LHX4: variants seen among roughly 807,000 people sequenced by gnomAD.
LHX4 encodes LIM homeobox 4.
In LHX4, 16 loss-of-function variants were observed where a neutral mutation model predicts 39.2. The ratio of observed to expected loss-of-function variants is 0.41; its 90% CI spans 0.28 to 0.62. LHX4 has a LOEUF of 0.62. LHX4 is among the 20% of genes least tolerant of loss of function. The pLI is 0.33. For missense variants in LHX4, 439 were observed against 511.9 expected (o/e 0.86, Z 1.37); for synonymous variants, 206 against 198.1 (o/e 1.04, Z -0.33).
Position 180,274,594 on chromosome 1 carries a change from C to G in LHX4, c.*15C>G. 4 of 1,549,152 alleles carry G rather than the reference C, an allele frequency of 2.6e-6. No individual in the cohort carries two copies. Among genetic ancestry groups the G allele is most frequent in the African/African-American group, 1.4e-5 (1 of 73,890 alleles). On this transcript the variant is annotated 3_prime_UTR_variant, in exon 6 of 6. Coordinates refer to ENST00000263726, the MANE Select transcript of LHX4 (RefSeq NM_033343.4). ...CTCCTTTTTAAACTTCTCTCCTCCCCACCCTACCTGCCCCCCTGGCTTGAG... is the reference window on the plus strand; with the variant it reads ...CTCCTTTTTAAACTTCTCTCCTCCCGACCCTACCTGCCCCCCTGGCTTGAG...
At position 180,271,483 on chromosome 1, in the gene LHX4, C is replaced by T. The variant is rs752232336; in HGVS notation, c.555C>T (p.His185=). The change falls in exon 4 of 6, where the codon CAC becomes CAT. Residue 185 remains histidine, a synonymous_variant. Coordinates refer to ENST00000263726, the MANE Select transcript of LHX4 (RefSeq NM_033343.4). ...AYKNSPKPAR[H]VREQLSSETG... ...AGAACTCCCCCAAGCCTGCCCGGCA[C>T]GTGAGGGAGCAGCTGTCCTCAGAGA... 50 of 1,614,010 alleles carry T rather than the reference C, an allele frequency of 3.1e-5. No individual in the cohort carries two copies. Among genetic ancestry groups the T allele is most frequent in the Middle Eastern group, 3.3e-4 (2 of 6,082 alleles).
chr1:180,250,521 C>T (rs1422308101), intron 2 of LHX4, among the ~76,000 whole-genome samples: 1 of 152,142 alleles, frequency 6.6e-6, no homozygotes, highest in Non-Finnish European at 1.5e-5. Flanking sequence ...AGCCAAGAGG[C>T]CACGCCTCCG....
At chr1:180,237,145 C>T (rs1664339731) in intron 1 of LHX4, among the ~76,000 whole-genome samples, 1 of 151,008 alleles carries the variant, frequency 6.6e-6, no homozygotes, top group Non-Finnish European at 1.5e-5. Context: ...CCCTTCCTTC[C>T]TTTGCAAAAT....
intron 2 of LHX4, among the ~76,000 whole-genome samples, chr1:180,260,283 G>A (rs889524881): frequency 2.6e-5 from 4 of 151,728 alleles, no homozygotes; most frequent in East Asian, 1.9e-4. Flanking sequence ...TACATCATGC[G>A]GGTCTGCTCA....
chr1:180,265,419 G>A (rs975395190), intron 2 of LHX4, among the ~76,000 whole-genome samples: 2 of 152,138 alleles, frequency 1.3e-5, no homozygotes, highest in South Asian at 2.1e-4. Context: ...AATTTCCCTC[G>A]TCTCCTATGA....
chr1:180,228,742 G>A (rs1016154926), upstream of LHX4, among the ~76,000 whole-genome samples: 83 of 152,132 alleles, frequency 5.5e-4, no homozygotes, highest in Non-Finnish European at 1.2e-4. Flanking sequence ...TCTAAGCAGC[G>A]CAGACGACCA....
chr1:180,258,038 A>G (rs1647940243), intron 2 of LHX4, among the ~76,000 whole-genome samples: 1 of 152,256 alleles, frequency 6.6e-6, no homozygotes, highest in Non-Finnish European at 1.5e-5. Flanking sequence ...ACATGCACTG[A>G]GCACATATCG....
chr1:180,231,604 T>C (rs1158420229), intron 1 of LHX4, among the ~76,000 whole-genome samples: 2 of 141,532 alleles, frequency 1.4e-5, no homozygotes, highest in East Asian at 5.3e-4. Flanking sequence ...GTCCTGCCCC[T>C]GTGGCTTGCA....
At chr1:180,264,378 A>ACACACACACACACACACACACACAC (rs1242935728) in intron 2 of LHX4, among the ~76,000 whole-genome samples, 5 of 145,302 alleles carry the variant, frequency 3.4e-5, no homozygotes, top group Non-Finnish European at 7.6e-5. Flanking sequence ...ACACACACAT[A>ACACACACACACACACACACACACAC]ACACACACAC....
At chr1:180,249,354 C>G (rs1263574708) in intron 2 of LHX4, among the ~76,000 whole-genome samples, 1 of 152,154 alleles carries the variant, frequency 6.6e-6, no homozygotes, top group African/African-American at 2.4e-5. Context: ...GGCATTTAGT[C>G]CTTGACTTCT....
chr1:180,243,160 T>G (rs1050439116), intron 1 of LHX4, among the ~76,000 whole-genome samples: 4 of 152,122 alleles, frequency 2.6e-5, no homozygotes, highest in African/African-American at 7.2e-5. Flanking sequence ...GGCTAATTTT[T>G]GTTTTTTTAG....
In LHX4 at chr1:180,260,844, G is replaced by A. The variant is rs910904309; in HGVS notation, c.249-5548G>A. 2.0e-5 allele frequency among the ~76,000 whole-genome samples: 3 copies of A among 151,790 alleles called. 1 individual carries two copies. Among genetic ancestry groups the A allele is most frequent in the African/African-American group, 7.3e-5 (3 of 41,056 alleles). On this transcript the variant is annotated intron_variant, in intron 2 of 5. Coordinates refer to ENST00000263726, the MANE Select transcript of LHX4 (RefSeq NM_033343.4). ...TGCCCTTGAAGCCCGCCGCATGTCCGCTGTGTTGTGTCAGAAGCACCGACT... is the reference window on the plus strand; with the variant it reads ...TGCCCTTGAAGCCCGCCGCATGTCCACTGTGTTGTGTCAGAAGCACCGACT...
intron 1 of LHX4, among the ~76,000 whole-genome samples, chr1:180,245,320 C>A (rs1647345870): frequency 6.6e-6 from 1 of 152,198 alleles, no homozygotes; most frequent in African/African-American, 2.4e-5. Context: ...GGCTATCCAC[C>A]CTTCATAGAC....
upstream of LHX4, chr1:180,230,198 G>T: frequency 2.4e-6 from 1 of 420,864 alleles, no homozygotes; most frequent in Non-Finnish European, 4.4e-6. This position sits in a 1 kb window ranked among gnomAD's most constrained non-coding sequence, Gnocchi z 5.8. Flanking sequence ...CTCCCGGGCG[G>T]CCGGCACGCG....
At chr1:180,229,004 C>T (rs1204437794), upstream of LHX4, among the ~76,000 whole-genome samples, 1 of 152,224 alleles carries the variant, frequency 6.6e-6, no homozygotes, top group Non-Finnish European at 1.5e-5. Context: ...CTTCCCGCGC[C>T]TGCAGCCCGG....
rs918355070 is a variant in LHX4, at chr1:180,277,360, C to CTGTT, written c.*2783_*2786dup. On this transcript the variant is annotated 3_prime_UTR_variant, in exon 6 of 6. Transcript: ENST00000263726. ...TGGGGTATAAGGTGCTACATGGTAG[C>CTGTT]TGTTTCCCCCCTTGCTAAAATGACA... The CTGTT allele has an allele frequency of 7.9e-5, 12 of 152,184 alleles. No individual in the cohort carries two copies. Among genetic ancestry groups the CTGTT allele is most frequent in the African/African-American group, 2.9e-4 (12 of 41,436 alleles). The allele number at this position is 152,184 out of a possible 1,614,324, so 9.4% of individuals were successfully genotyped here.
intron 1 of LHX4, among the ~76,000 whole-genome samples, chr1:180,246,150 T>C (rs1405657200): frequency 6.6e-6 from 1 of 152,174 alleles, no homozygotes; most frequent in Non-Finnish European, 1.5e-5. Context: ...ATACTGGTAG[T>C]GCTGGGGCCA....
intron 5 of LHX4, 43 bp downstream of exon 5, chr1:180,272,049 C>G (rs1376360142): frequency 6.4e-7 from 1 of 1,566,368 alleles, no homozygotes; most frequent in African/African-American, 1.4e-5. Flanking sequence ...TTAGGAAAGT[C>G]CCCTGGGAAT....
intron 2 of LHX4, among the ~76,000 whole-genome samples, chr1:180,256,518 G>A (rs909863614): frequency 7.9e-5 from 12 of 152,182 alleles, no homozygotes; most frequent in Non-Finnish European, 1.8e-4. Flanking sequence ...AGTTCCTGCG[G>A]GTGTCTGCCA....
Sources: allele counts gnomAD v4.1 joint callset (sites outside exome capture counted in the v4.1 genomes callset), GRCh38; gene constraint gnomAD v4.1.1; non-coding constraint Gnocchi (gnomAD v3.1); transcripts MANE v1.5; gene names NCBI Gene and HGNC (gene_info 2026-07-23, HGNC 2026-07-21).